Variants in JAK2 observed in about 807,000 individuals in gnomAD.
JAK2 encodes Janus kinase 2, also known as tyrosine-protein kinase JAK2.
Under a neutral mutation model 139.3 loss-of-function variants are expected in JAK2, and 86 were observed. The ratio of observed to expected loss-of-function variants is 0.62; its 90% CI spans 0.52 to 0.74. The LOEUF (loss-of-function observed/expected upper bound fraction) is 0.74. Among genes scored for constraint, JAK2 ranks in the 30% least tolerant of loss-of-function variants. JAK2 has a pLI of 0.00. For missense variants in JAK2, 1,421 were observed against 1,360.3 expected (o/e 1.04, Z -0.70); for synonymous variants, 490 against 437.7 (o/e 1.12, Z -1.49).
At chr9:5,090,203 T>TAGAAGAG in intron 20 of JAK2, among the ~76,000 whole-genome samples, 3 of 152,200 alleles carry the variant, frequency 2.0e-5, no homozygotes, top group Non-Finnish European at 4.4e-5. Context: ...CATCAGTTTA[T>TAGAAGAG]TTTGGTTTGC....
chr9:4,987,719 C>G (rs142236937), intron 2 of JAK2, among the ~76,000 whole-genome samples: 4,963 of 125,210 alleles, frequency 0.04, 222 homozygotes, highest in African/African-American at 0.13. Flanking sequence ...CTGGGCAACA[C>G]AGCAAGACTC....
intron 3 of JAK2, among the ~76,000 whole-genome samples, chr9:5,028,925 A>G (rs1822961330): frequency 6.6e-6 from 1 of 152,206 alleles, no homozygotes; most frequent in African/African-American, 2.4e-5. Context: ...CATCATCAAT[A>G]AGGCTGTTTT....
intron 19 of JAK2, among the ~76,000 whole-genome samples, chr9:5,087,474 A>ACTGGTAGTTATTTTACT (rs146226026): frequency 5.9e-5 from 9 of 151,538 alleles, no homozygotes; most frequent in Non-Finnish European, 1.2e-4. Context: ...AAACCATATC[A>ACTGGTAGTTATTTTACT]CTCCCTTACT....
intron 6 of JAK2, among the ~76,000 whole-genome samples, chr9:5,052,442 A>T (rs569339975): frequency 6.6e-6 from 1 of 152,214 alleles, no homozygotes; most frequent in South Asian, 2.1e-4. Flanking sequence ...AATAGTGTAG[A>T]TATTAAACAT....
intron 22 of JAK2, chr9:5,098,434 TTC>T (rs1821194300): frequency 6.6e-6 from 1 of 152,184 alleles, no homozygotes; most frequent in Non-Finnish European, 1.5e-5. Flanking sequence ...TATAATTATT[TTC>T]CTAATTAGTT....
At chr9:5,011,523 CTTCT>C (rs956289780) in intron 2 of JAK2, among the ~76,000 whole-genome samples, 65 of 152,244 alleles carry the variant, frequency 4.3e-4, no homozygotes, top group African/African-American at 1.5e-3. Context: ...TTACATATGG[CTTCT>C]TTATCTTCAT....
intron 2 of JAK2, among the ~76,000 whole-genome samples, chr9:5,021,206 T>C (rs930982287): frequency 2.0e-5 from 3 of 152,206 alleles, no homozygotes; most frequent in Non-Finnish European, 4.4e-5. Context: ...GTGTTTTCTA[T>C]CACTTCTCTG....
chr9:5,079,812 C>G (rs533522142), intron 16 of JAK2, among the ~76,000 whole-genome samples: 6 of 151,766 alleles, frequency 4.0e-5, no homozygotes, highest in African/African-American at 1.2e-4. Context: ...CAGTGACACC[C>G]TGTCTCAAAA....
chr9:5,003,644 C>T (rs1024681298), intron 2 of JAK2, among the ~76,000 whole-genome samples: 1 of 152,048 alleles, frequency 6.6e-6, no homozygotes. Context: ...GACATGTCCT[C>T]TATGAATACT....
rs755432226 is a variant in JAK2 at position 5,054,707 on chromosome 9, G to A, written c.759G>A (p.Lys253=). 3.1e-6 allele frequency: 5 copies of A among 1,613,216 alleles called. No individual in the cohort carries two copies. Among genetic ancestry groups the A allele is most frequent in the African/African-American group, 1.3e-5 (1 of 74,864 alleles). The change falls in exon 7 of 25, where the codon AAG becomes AAA. Residue 253 remains lysine (K), a synonymous_variant. Coordinates refer to ENST00000381652, the MANE Select transcript of JAK2 (RefSeq NM_004972.4). This position sits in a 1 kb window ranked among gnomAD's most constrained non-coding sequence, Gnocchi z 4.9. The stretch of plus-strand genomic sequence containing the variant: ...CCACTGCCAGAAACTTGAAACTTAA[G>A]TATCTTATAAATCTGGAAACTCTGC... The part of the protein sequence containing the change: ...CKATARNLKL[K]YLINLETLQS...
Position 5,066,764 on chromosome 9 carries a change from A to G in JAK2, c.1301A>G (p.Lys434Arg). 1 of 1,561,600 alleles carries G rather than the reference A, an allele frequency of 6.4e-7. No homozygotes were observed. Among genetic ancestry groups the G allele is most frequent in the Non-Finnish European group, 8.7e-7 (1 of 1,155,868 alleles). ...VLRCSPKDFNKYFLTFAVERE... is the reference protein window; with the variant it reads ...VLRCSPKDFNRYFLTFAVERE... ...CGATGCAGTCCTAAGGACTTTAATA[A>G]ATATTTTTTGACTTTTGCTGTCGAG... The change falls in exon 10 of 25, where the codon AAA becomes AGA. Residue 434 changes from lysine (K) to arginine (R), a missense_variant. By Grantham distance (26) the Lys-to-Arg change is conservative. Transcript: ENST00000381652.
intron 19 of JAK2, among the ~76,000 whole-genome samples, chr9:5,086,332 C>T (rs1026491060): frequency 6.6e-6 from 1 of 152,176 alleles, no homozygotes; most frequent in Non-Finnish European, 1.5e-5. Context: ...TTTACCTTCT[C>T]GCTTCACTCC....
At chr9:5,000,222 C>T (rs1207757742) in intron 2 of JAK2, among the ~76,000 whole-genome samples, 1 of 151,792 alleles carries the variant, frequency 6.6e-6, no homozygotes, top group Non-Finnish European at 1.5e-5. Context: ...TTTATTTCCT[C>T]TATCATTTTT....
chr9:5,033,904 C>T (rs11526366), intron 4 of JAK2, among the ~76,000 whole-genome samples: 37,169 of 151,978 alleles, frequency 0.24, 4,662 homozygotes, highest in Middle Eastern at 0.28. Context: ...TAACCTTAAA[C>T]GTAAATGGGC....
In JAK2 at chr9:5,089,778, A is replaced by G; in HGVS notation, c.2676A>G (p.Leu892=). The change falls in exon 20 of 25, where the codon CTA becomes CTG. Residue 892 remains leucine, a synonymous_variant. Transcript: ENST00000381652. The part of the protein sequence containing the change: ...KKLQHSTEEH[L]RDFEREIEIL... ...TTCAGCATAGTACTGAAGAGCACCT[A>G]AGAGACTTTGAAAGGGAAATTGAAA... The G allele has an allele frequency of 6.2e-7, 1 of 1,600,342 alleles. No homozygotes were observed. Among genetic ancestry groups the G allele is most frequent in the Non-Finnish European group, 8.5e-7 (1 of 1,173,374 alleles).
At chr9:5,001,088 C>G (rs952484051) in intron 2 of JAK2, among the ~76,000 whole-genome samples, 3 of 152,138 alleles carry the variant, frequency 2.0e-5, no homozygotes, top group South Asian at 4.1e-4. Flanking sequence ...TTTATAAGTT[C>G]TAGTAATTTT....
Position 5,066,785 on chromosome 9 carries a change from T to A in JAK2, c.1322T>A (p.Val441Asp). Residue 441 changes from valine to aspartate, a missense_variant, in exon 10 of 25, where the codon GTC becomes GAC. By Grantham distance (152) the Val-to-Asp change is radical. Transcript: ENST00000381652. ...DFNKYFLTFA[V>D]ERENVIEYKH... ...AATAAATATTTTTTGACTTTTGCTG[T>A]CGAGGTTAGTATGTCACACTTATTA... The A allele has an allele frequency of 6.7e-7, 1 of 1,491,620 alleles. No individual in the cohort carries two copies. Among genetic ancestry groups the A allele is most frequent in the Non-Finnish European group, 9.1e-7 (1 of 1,098,262 alleles). The allele number at this position is 1,491,620 out of a possible 1,614,324, so 92.4% of individuals were successfully genotyped here.
chr9:5,025,811 A>AC (rs1267954193), intron 3 of JAK2, among the ~76,000 whole-genome samples: 1 of 151,964 alleles, frequency 6.6e-6, no homozygotes, highest in East Asian at 1.9e-4. Context: ...GAGCCACTGC[A>AC]CCCAGCCAGA....
chr9:5,018,128 G>A (rs778852325), intron 2 of JAK2, among the ~76,000 whole-genome samples: 2 of 152,098 alleles, frequency 1.3e-5, no homozygotes, highest in African/African-American at 4.8e-5. Context: ...GCTTATTCCT[G>A]TCATTTTATT....
Sources: gnomAD v4.1 joint callset for allele counts (sites outside exome capture counted in the v4.1 genomes callset) on GRCh38, gnomAD v4.1.1 for gene constraint, Gnocchi (gnomAD v3.1) non-coding constraint, MANE v1.5 for transcripts, NCBI Gene and HGNC (gene_info 2026-07-23, HGNC 2026-07-21) for gene names.